Variants in CSMD2 observed in about 807,000 individuals in gnomAD.
The protein encoded by CSMD2 is CUB and Sushi multiple domains 2, also known as CUB and sushi domain-containing protein 2.
A neutral mutation model predicts 398.5 loss-of-function variants in CSMD2; 130 were observed. The observed-to-expected ratio is 0.33, with a 90% CI of 0.28 to 0.38. The LOEUF (loss-of-function observed/expected upper bound fraction) is 0.38. Among genes scored for constraint, CSMD2 ranks in the 10% least tolerant of loss-of-function variants. The pLI is 1.00. For synonymous variants in CSMD2, 1,828 were observed against 1,908.5 expected (o/e 0.96, Z 1.10); for missense variants, 3,829 against 4,764.9 (o/e 0.80, Z 5.78).
In CSMD2 at chr1:33,617,570, C is replaced by A; in HGVS notation, c.5875G>T (p.Val1959Leu). 1 of 1,614,170 alleles carries A rather than the reference C, an allele frequency of 6.2e-7. No individual in the cohort carries two copies. The change falls in exon 38 of 71, where the codon GTG becomes TTG. Residue 1959 changes from valine (V) to leucine (L), a missense_variant. Around this residue, in one of 5 missense-constraint regions of CSMD2, gnomAD observed 2,001 missense variants for 2,567.1 expected, o/e 0.78. Transcript: ENST00000373381. ...CPEPAVPSNG[V>L]KTGERYLVND... Reference sequence around the variant, plus strand: ...ACCAAGTAGCGCTCGCCAGTCTTCACCCCGTTACTGGGCACAGCAGGTTCC... The same window carrying A: ...ACCAAGTAGCGCTCGCCAGTCTTCAACCCGTTACTGGGCACAGCAGGTTCC...
At chr1:33,697,817 C>T (rs938144921) in intron 24 of CSMD2, among the ~76,000 whole-genome samples, 1 of 152,258 alleles carries the variant, frequency 6.6e-6, no homozygotes, top group Non-Finnish European at 1.5e-5. Flanking sequence ...GGGCAGTGAA[C>T]AGGTTTTATT....
intron 13 of CSMD2, among the ~76,000 whole-genome samples, chr1:33,753,846 T>A (rs1056612523): frequency 6.6e-6 from 1 of 152,236 alleles, no homozygotes; most frequent in Non-Finnish European, 1.5e-5. Flanking sequence ...CTTGCTGGGT[T>A]TTAGAACTGT....
chr1:33,919,700 G>A (rs1025225868), intron 4 of CSMD2, among the ~76,000 whole-genome samples: 7 of 152,232 alleles, frequency 4.6e-5, no homozygotes, highest in African/African-American at 7.2e-5. Context: ...GAGGGAGGAG[G>A]TGGGCAGGCA....
intron 3 of CSMD2, among the ~76,000 whole-genome samples, chr1:34,019,037 C>A (rs922124592): frequency 3.9e-5 from 6 of 152,182 alleles, no homozygotes; most frequent in Admixed American, 3.9e-4. Context: ...CTCTTACTAG[C>A]TGTGTGACCT....
chr1:33,936,094 T>C, intron 3 of CSMD2, 140 bp from the exon 4 acceptor site: 2 of 643,012 alleles, frequency 3.1e-6, no homozygotes, highest in African/African-American at 3.7e-5. Flanking sequence ...CATTGCCCAC[T>C]GCTGATCTGC....
At chr1:34,064,793 G>A (rs770804051) in intron 2 of CSMD2, among the ~76,000 whole-genome samples, 4 of 152,134 alleles carry the variant, frequency 2.6e-5, no homozygotes, top group South Asian at 4.1e-4. Context: ...ACCCGAGACT[G>A]GGAAGAAAAA....
intron 24 of CSMD2, among the ~76,000 whole-genome samples, chr1:33,697,597 T>C (rs1645464051): frequency 6.6e-6 from 1 of 152,210 alleles, no homozygotes; most frequent in Non-Finnish European, 1.5e-5. Context: ...TTGCACGTGC[T>C]CAGTCTAGAA....
chr1:33,603,023 A>G (rs1004313530), intron 42 of CSMD2, among the ~76,000 whole-genome samples: 1 of 152,130 alleles, frequency 6.6e-6, no homozygotes, highest in African/African-American at 2.4e-5. Flanking sequence ...GGGTGAGGCT[A>G]AGGTTGGGTT....
intron 9 of CSMD2, among the ~76,000 whole-genome samples, chr1:33,817,320 G>A (rs1350848273): frequency 6.6e-6 from 1 of 152,144 alleles, no homozygotes; most frequent in Non-Finnish European, 1.5e-5. Context: ...CCTGTGTTGA[G>A]AATGTACCCT....
intron 2 of CSMD2, among the ~76,000 whole-genome samples, chr1:34,077,243 G>A (rs1656494945): frequency 6.6e-6 from 1 of 151,656 alleles, no homozygotes; most frequent in Non-Finnish European, 1.5e-5. Context: ...GGATCACAAG[G>A]TCAGGAGATC....
At chr1:33,620,806 C>CTTTTTTT (rs34986869) in intron 37 of CSMD2, among the ~76,000 whole-genome samples, 5 of 91,944 alleles carry the variant, frequency 5.4e-5, no homozygotes, top group Non-Finnish European at 1.1e-4. Flanking sequence ...TGTCCTGGGT[C>CTTTTTTT]TTTTTTTTTT....
chr1:34,091,495 A>C (rs993584660), intron 1 of CSMD2, among the ~76,000 whole-genome samples: 2 of 152,204 alleles, frequency 1.3e-5, no homozygotes, highest in Non-Finnish European at 2.9e-5. Context: ...TAAGTATTCC[A>C]CTTCGAATCC....
At chr1:33,714,214 G>T (rs1003123769) in intron 21 of CSMD2, among the ~76,000 whole-genome samples, 7 of 152,184 alleles carry the variant, frequency 4.6e-5, no homozygotes, top group African/African-American at 1.7e-4. Context: ...CCTCCTACAG[G>T]CCCACCTAGT....
intron 1 of CSMD2, among the ~76,000 whole-genome samples, chr1:34,136,388 G>A (rs1049155369): frequency 2.0e-5 from 3 of 152,208 alleles, no homozygotes; most frequent in Non-Finnish European, 4.4e-5. Flanking sequence ...GTGAACAAGT[G>A]TTATCTATTA....
At chr1:33,604,663 A>C (rs1218208029) in intron 42 of CSMD2, among the ~76,000 whole-genome samples, 1 of 152,204 alleles carries the variant, frequency 6.6e-6, no homozygotes, top group Non-Finnish European at 1.5e-5. Flanking sequence ...TGAAGAGGGA[A>C]GGCAAATGGA....
chr1:33,753,093 C>A (rs1340902291), intron 13 of CSMD2, among the ~76,000 whole-genome samples: 3 of 152,212 alleles, frequency 2.0e-5, no homozygotes, highest in Non-Finnish European at 4.4e-5. Flanking sequence ...AAATTTGCAA[C>A]CTGACCCTGT....
In CSMD2 at chr1:33,743,461, G is replaced by T. The variant is rs755606815; in HGVS notation, c.1992C>A (p.Asp664Glu). Reference protein sequence around the residue: ...SRIHLAFNDIDVEPQFDFLVI... With the variant: ...SRIHLAFNDIEVEPQFDFLVI... ...CCAGGAAATCAAACTGAGGCTCCAC[G>T]TCAATGTCGTTGAAGGCCAGGTGGA... The change falls in exon 14 of 71, where the codon GAC becomes GAA. Residue 664 changes from aspartate (D) to glutamate (E), a missense_variant. By Grantham distance (45) the Asp-to-Glu change is conservative. Transcript: ENST00000373381. 2 of 1,614,086 alleles carry T rather than the reference G, an allele frequency of 1.2e-6. No homozygotes were observed. Among genetic ancestry groups the T allele is most frequent in the Non-Finnish European group, 1.7e-6 (2 of 1,180,062 alleles).
chr1:34,021,479 G>T (rs1648873940), intron 3 of CSMD2, among the ~76,000 whole-genome samples: 2 of 152,180 alleles, frequency 1.3e-5, no homozygotes, highest in South Asian at 4.1e-4. Flanking sequence ...CGGTACCAAG[G>T]GATCCATCCT....
chr1:34,120,948 A>AT (rs1350275160), intron 1 of CSMD2, among the ~76,000 whole-genome samples: 1 of 151,910 alleles, frequency 6.6e-6, no homozygotes, highest in Non-Finnish European at 1.5e-5. Context: ...TCTCTGCTTT[A>AT]TTTTTTTTAG....
Sources: allele counts gnomAD v4.1 joint callset (sites outside exome capture counted in the v4.1 genomes callset), GRCh38; gene constraint gnomAD v4.1.1; regional missense constraint gnomAD v4.1.1; transcripts MANE v1.5; gene names NCBI Gene and HGNC (gene_info 2026-07-23, HGNC 2026-07-21).